The following WWOX variants were observed in gnomAD, a reference collection of about 807,000 sequenced individuals.
The protein encoded by WWOX is WW domain containing oxidoreductase.
In WWOX, 69 loss-of-function variants were observed where a neutral mutation model predicts 46.2. That is an observed-to-expected ratio of 1.49 (90% CI 1.23 to 1.82). The LOEUF (loss-of-function observed/expected upper bound fraction) is 1.82. Ranked by LOEUF, WWOX falls within the 40% of genes most tolerant of loss-of-function variation. WWOX has a pLI of 0.00. For missense variants in WWOX, 919 were observed against 542.6 expected (o/e 1.69, Z -6.89); for synonymous variants, 359 against 202.6 (o/e 1.77, Z -6.56).
At chr16:78,210,553 A>G (rs969046534) in intron 5 of WWOX, among the ~76,000 whole-genome samples, 1 of 152,060 alleles carries the variant, frequency 6.6e-6, no homozygotes, top group South Asian at 2.1e-4. Flanking sequence ...TCTGTCTCTC[A>G]TAAGGAACTA....
Position 79,101,924 on chromosome 16 carries a change from C to T in WWOX, c.1057-109684C>T, listed in dbSNP as rs368248346. On this transcript the variant is annotated intron_variant, in intron 8 of 8. Coordinates refer to ENST00000566780, the MANE Select transcript of WWOX (RefSeq NM_016373.4). ...GAAACACTCAGGGAGGTAGGAGATCCATGAGATCCAAGCTAAACAATTCTG... is the reference window on the plus strand; with the variant it reads ...GAAACACTCAGGGAGGTAGGAGATCTATGAGATCCAAGCTAAACAATTCTG... 1.8e-4 allele frequency among the ~76,000 whole-genome samples: 27 copies of T among 150,344 alleles called. 2 individuals are homozygous for T. Among genetic ancestry groups the T allele is most frequent in the Admixed American group, 1.3e-3 (19 of 15,038 alleles).
Position 78,348,649 on chromosome 16 carries a change from G to A in WWOX, c.517-38211G>A, listed in dbSNP as rs1383686966. On this transcript the variant is annotated intron_variant, in intron 5 of 8. Coordinates refer to ENST00000566780, the MANE Select transcript of WWOX (RefSeq NM_016373.4). The stretch of plus-strand genomic sequence containing the variant: ...ATTACTACATTTTCTGTAGAGACGG[G>A]CTTTCCCCATGTTGCCCAGGCTGGT... Among the ~76,000 whole-genome samples, 2 of 118,800 alleles carry A rather than the reference G, an allele frequency of 1.7e-5. 1 individual carries two copies. The highest frequency in any genetic ancestry group is 4.0e-5 in the Non-Finnish European group (2 of 49,998). The allele number at this position is 118,800 out of a possible 152,430, so 77.9% of individuals were successfully genotyped here.
At chr16:78,356,466 T>C (rs531213544) in intron 5 of WWOX, among the ~76,000 whole-genome samples, 40 of 152,274 alleles carry the variant, frequency 2.6e-4, no homozygotes, top group African/African-American at 5.8e-4. Flanking sequence ...GAAGGAGATA[T>C]GACACATCTC....
intron 8 of WWOX, among the ~76,000 whole-genome samples, chr16:78,794,233 C>T (rs1013888986): frequency 7.9e-5 from 12 of 152,096 alleles, no homozygotes; most frequent in African/African-American, 7.2e-5. Context: ...TATGAGGAGG[C>T]GGGACTCTGG....
At chr16:78,721,905 A>C (rs970891043) in intron 8 of WWOX, among the ~76,000 whole-genome samples, 4 of 152,370 alleles carry the variant, frequency 2.6e-5, no homozygotes, top group South Asian at 4.1e-4. Flanking sequence ...ATAATGTCAC[A>C]ATCTCAGGAA....
intron 8 of WWOX, among the ~76,000 whole-genome samples, chr16:78,709,819 T>TC (rs1465629867): frequency 6.6e-6 from 1 of 151,770 alleles, no homozygotes; most frequent in African/African-American, 2.4e-5. Flanking sequence ...ACCTCCGTCT[T>TC]CTGGGTTCAA....
chr16:78,855,762 C>T (rs1290040521), intron 8 of WWOX, among the ~76,000 whole-genome samples: 1 of 152,146 alleles, frequency 6.6e-6, no homozygotes, highest in Non-Finnish European at 1.5e-5. Context: ...TGTTTGCTTC[C>T]CTCATGCTGT....
At chr16:78,741,529 G>A (rs1246625031) in intron 8 of WWOX, among the ~76,000 whole-genome samples, 8 of 151,888 alleles carry the variant, frequency 5.3e-5, no homozygotes, top group Non-Finnish European at 8.8e-5. Context: ...CTGCACCCCA[G>A]CCTGGGCGAC....
At chr16:78,707,938 G>A (rs920265135) in intron 8 of WWOX, among the ~76,000 whole-genome samples, 14 of 152,128 alleles carry the variant, frequency 9.2e-5, no homozygotes, top group African/African-American at 2.2e-4. Flanking sequence ...AAAAGCAATC[G>A]TGGTTTTTGC....
chr16:78,397,282 A>G (rs2151941554), intron 6 of WWOX, among the ~76,000 whole-genome samples: 1 of 152,332 alleles, frequency 6.6e-6, no homozygotes, highest in East Asian at 1.9e-4. Flanking sequence ...ATGGAACCAT[A>G]TAATGATGAT....
At chr16:79,063,334 G>A (rs1023461903) in intron 8 of WWOX, among the ~76,000 whole-genome samples, 2 of 152,146 alleles carry the variant, frequency 1.3e-5, no homozygotes, top group Admixed American at 6.5e-5. Context: ...TTCCGAAATC[G>A]GAATATTTCC....
chr16:78,934,556 A>G (rs1037457334), intron 8 of WWOX, among the ~76,000 whole-genome samples: 13 of 151,514 alleles, frequency 8.6e-5, no homozygotes, highest in African/African-American at 2.7e-4. Context: ...CAAACCAAGA[A>G]ACTTACAGAG....
intron 8 of WWOX, among the ~76,000 whole-genome samples, chr16:78,695,658 T>A: frequency 6.6e-6 from 1 of 152,066 alleles, no homozygotes; most frequent in African/African-American, 2.4e-5. Flanking sequence ...AATAAAACTG[T>A]GTATTCCAAA....
intron 8 of WWOX, among the ~76,000 whole-genome samples, chr16:78,860,886 G>C (rs138209610): frequency 0.012 from 1,753 of 152,284 alleles, 38 homozygotes; most frequent in African/African-American, 0.04. Flanking sequence ...ACCCAGGCTA[G>C]AGTGCAGTGG....
rs1194676127 is a variant in WWOX at position 78,213,654 on chromosome 16, ATT to A, written c.516+49368_516+49369del. On this transcript the variant is annotated intron_variant, in intron 5 of 8. Transcript: ENST00000566780. ...AAAAAAGAACTGGCATAGCACCTAG[ATT>A]TTAAACAGAAGGAAAAGATGACATT... Among the ~76,000 whole-genome samples, 3 of 152,104 alleles carry A rather than the reference ATT, an allele frequency of 2.0e-5. No individual in the cohort carries two copies. In the East Asian group the frequency reaches 5.8e-4, roughly 29 times the overall value.
At chr16:78,806,524 G>C (rs902048244) in intron 8 of WWOX, among the ~76,000 whole-genome samples, 4 of 152,128 alleles carry the variant, frequency 2.6e-5, no homozygotes, top group African/African-American at 7.2e-5. Context: ...TGAGTCTGAG[G>C]ATTGATGCTG....
intron 8 of WWOX, among the ~76,000 whole-genome samples, chr16:79,055,462 G>C (rs1027110851): frequency 6.6e-6 from 1 of 152,134 alleles, no homozygotes; most frequent in Admixed American, 6.6e-5. Context: ...AGGAAGCCCA[G>C]CTAGCCATGT....
chr16:78,925,210 A>C (rs2045471135), intron 8 of WWOX, among the ~76,000 whole-genome samples: 1 of 152,190 alleles, frequency 6.6e-6, no homozygotes, highest in African/African-American at 2.4e-5. Flanking sequence ...AAAAACAAAA[A>C]GAAAACGTGC....
At chr16:78,199,695 C>T (rs914121777) in intron 5 of WWOX, among the ~76,000 whole-genome samples, 4 of 152,150 alleles carry the variant, frequency 2.6e-5, no homozygotes, top group Admixed American at 6.5e-5. Context: ...TTTATTCAGA[C>T]GTCTGTGTCA....
Sources: allele counts gnomAD v4.1 joint callset (sites outside exome capture counted in the v4.1 genomes callset), GRCh38; gene constraint gnomAD v4.1.1; transcripts MANE v1.5; gene names NCBI Gene and HGNC (gene_info 2026-07-23, HGNC 2026-07-21).